The following TRAPPC9 variants were observed in gnomAD, a reference collection of about 807,000 sequenced individuals.
The protein encoded by TRAPPC9 is trafficking protein particle complex subunit 9.
TRAPPC9 carries 83 observed loss-of-function variants against 124.0 expected under a neutral mutation model. The observed-to-expected ratio is 0.67, with a 90% CI of 0.56 to 0.80. TRAPPC9 has a LOEUF of 0.80. Ranked by LOEUF, TRAPPC9 falls within the 30% of genes least tolerant of loss-of-function variation. TRAPPC9 has a pLI of 0.00. For missense variants in TRAPPC9, 1,302 were observed against 1,508.3 expected, an observed-to-expected ratio of 0.86 and a Z score of 2.27; for synonymous variants, 638 against 617.5, an observed-to-expected ratio of 1.03 and a Z score of -0.49.
rs192130459 is a variant in TRAPPC9, at chr8:140,280,254, T to A, written c.2114+3635A>T. ...CTTGGAAGCGTCCAGGCCCGGGAAG[T>A]CCTGGTGGCAGGCTCGGCGGAAATC... On this transcript the variant is annotated intron_variant, in intron 14 of 22. Transcript: ENST00000438773. 1.3e-3 allele frequency among the ~76,000 whole-genome samples: 202 copies of A among 152,304 alleles called. 2 individuals carry two copies. The highest frequency in any genetic ancestry group is 2.3e-3 in the Non-Finnish European group (158 of 68,016).
At chr8:140,379,964 G>C (rs1180329204) in intron 7 of TRAPPC9, among the ~76,000 whole-genome samples, 3 of 152,152 alleles carry the variant, frequency 2.0e-5, no homozygotes, top group Non-Finnish European at 2.9e-5. Context: ...CTTTATTGTA[G>C]GTATCTCGTG....
At position 140,123,208 on chromosome 8, in the gene TRAPPC9, C is replaced by A. The variant is rs544582654; in HGVS notation, c.2556+98251G>T. Among the ~76,000 whole-genome samples, 11 of 152,236 alleles carry A rather than the reference C, an allele frequency of 7.2e-5. No individual in the cohort carries two copies. The South Asian group carries it at 2.1e-3, about 29-fold the overall frequency. On this transcript the variant is annotated intron_variant, in intron 17 of 22. Transcript: ENST00000438773. The stretch of plus-strand genomic sequence containing the variant: ...CACTGTCCCCGACCCCTCTTCAGAG[C>A]CCTTCCCACAGTCACGTCCGCCATG...
At chr8:140,229,466 A>G (rs1027334362) in intron 16 of TRAPPC9, among the ~76,000 whole-genome samples, 1 of 151,650 alleles carries the variant, frequency 6.6e-6, no homozygotes, top group Non-Finnish European at 1.5e-5. Context: ...GGGTTTCTCC[A>G]TCTTGGCCAG....
chr8:140,366,479 C>T (rs1245418488), intron 8 of TRAPPC9, among the ~76,000 whole-genome samples: 1 of 152,148 alleles, frequency 6.6e-6, no homozygotes, highest in African/African-American at 2.4e-5. Context: ...GGAGCAGAGA[C>T]AGTCTTTTCA....
chr8:139,844,785 C>T (rs1330915852), intron 21 of TRAPPC9, among the ~76,000 whole-genome samples: 1 of 152,218 alleles, frequency 6.6e-6, no homozygotes, highest in East Asian at 1.9e-4. Context: ...ACCAGCTAAG[C>T]AAGGCCTTTC....
chr8:139,988,301 C>T (rs551667861), intron 19 of TRAPPC9, among the ~76,000 whole-genome samples: 59 of 151,830 alleles, frequency 3.9e-4, no homozygotes, highest in African/African-American at 1.3e-3. Flanking sequence ...TTAGTAGAGA[C>T]GGGGTTTCAC....
intron 9 of TRAPPC9, among the ~76,000 whole-genome samples, chr8:140,327,694 T>C (rs1367293426): frequency 1.3e-5 from 2 of 152,182 alleles, no homozygotes; most frequent in African/African-American, 4.8e-5. Context: ...TTATATGAGG[T>C]ACCTAAAATA....
At chr8:140,140,869 TGGGC>T (rs2061372369) in intron 17 of TRAPPC9, among the ~76,000 whole-genome samples, 2 of 152,170 alleles carry the variant, frequency 1.3e-5, no homozygotes, top group South Asian at 4.1e-4. Context: ...ACCACCCCAA[TGGGC>T]TGCACGGTCA....
At chr8:140,013,163 C>T (rs1462545558) in intron 18 of TRAPPC9, among the ~76,000 whole-genome samples, 2 of 152,120 alleles carry the variant, frequency 1.3e-5, no homozygotes, top group East Asian at 1.9e-4. Context: ...GGTACCTGCT[C>T]GGCAGGTAAG....
chr8:139,930,845 G>C (rs1392795112), intron 19 of TRAPPC9, among the ~76,000 whole-genome samples: 2 of 152,320 alleles, frequency 1.3e-5, no homozygotes, highest in Non-Finnish European at 2.9e-5. Flanking sequence ...AGGGTTATGA[G>C]GATGAAATCA....
intron 11 of TRAPPC9, among the ~76,000 whole-genome samples, chr8:140,299,412 C>T (rs1365307336): frequency 2.0e-5 from 3 of 152,168 alleles, no homozygotes; most frequent in Admixed American, 6.5e-5. Flanking sequence ...AAAAAGGAGC[C>T]GGAATGCCTT....
At chr8:140,242,593 G>A (rs112006268) in intron 16 of TRAPPC9, among the ~76,000 whole-genome samples, 159 of 152,328 alleles carry the variant, frequency 1.0e-3, no homozygotes, top group African/African-American at 3.7e-3. Context: ...GCTGCCAGGT[G>A]AAAAAGTCAG....
At chr8:140,137,404 T>A (rs1436372108) in intron 17 of TRAPPC9, among the ~76,000 whole-genome samples, 2 of 152,180 alleles carry the variant, frequency 1.3e-5, no homozygotes, top group South Asian at 4.1e-4. Context: ...AGATCACTCA[T>A]CATAGAGATG....
chr8:139,776,508 C>T lies in TRAPPC9; in HGVS notation c.3056-44306G>A, dbSNP rs1029574351. On this transcript the variant is annotated intron_variant, in intron 21 of 22. Transcript: ENST00000438773. This position sits in a 1 kb window ranked among gnomAD's most constrained non-coding sequence, Gnocchi z 4.1. ...GATGCATCTCAACCCATTCGGCAAA[C>T]GGGAGCTTCATCGCAATAGCGACTG... 7.9e-5 allele frequency among the ~76,000 whole-genome samples: 12 copies of T among 152,316 alleles called. No individual in the cohort carries two copies. The highest frequency in any genetic ancestry group is 6.8e-3 in the Middle Eastern group (2 of 294).
At chr8:140,202,189 C>G (rs1008718810) in intron 17 of TRAPPC9, among the ~76,000 whole-genome samples, 2 of 147,070 alleles carry the variant, frequency 1.4e-5, no homozygotes, top group African/African-American at 5.0e-5. Flanking sequence ...AGCAATGAGG[C>G]TTTCAAAGAT....
chr8:139,904,103 C>T (rs1292619241), intron 20 of TRAPPC9, among the ~76,000 whole-genome samples: 1 of 152,196 alleles, frequency 6.6e-6, no homozygotes, highest in Non-Finnish European at 1.5e-5. Flanking sequence ...GCAGGGTCCA[C>T]ACCTGATTTT....
At chr8:140,055,605 T>C (rs1324198482) in intron 17 of TRAPPC9, among the ~76,000 whole-genome samples, 2 of 152,222 alleles carry the variant, frequency 1.3e-5, no homozygotes, top group African/African-American at 4.8e-5. Context: ...CATGATCTTA[T>C]ATCCAGAAAA....
intron 20 of TRAPPC9, among the ~76,000 whole-genome samples, chr8:139,893,500 C>G (rs1830477940): frequency 6.6e-6 from 1 of 152,254 alleles, no homozygotes; most frequent in Non-Finnish European, 1.5e-5. Flanking sequence ...ATGTCTCTTT[C>G]CCTTGAGGAA....
At chr8:140,034,346 A>T (rs182383770) in intron 17 of TRAPPC9, among the ~76,000 whole-genome samples, 2 of 152,206 alleles carry the variant, frequency 1.3e-5, no homozygotes, top group South Asian at 2.1e-4. Flanking sequence ...TCACCTCTCC[A>T]CCCTACCCTC....
Sources: allele counts gnomAD v4.1 joint callset (sites outside exome capture counted in the v4.1 genomes callset), GRCh38; gene constraint gnomAD v4.1.1; non-coding constraint Gnocchi (gnomAD v3.1); transcripts MANE v1.5; gene names NCBI Gene and HGNC (gene_info 2026-07-23, HGNC 2026-07-21).